The following TENM3 variants were observed in gnomAD, a reference collection of about 807,000 sequenced individuals.
The protein encoded by TENM3 is teneurin-3.
A neutral mutation model predicts 255.1 loss-of-function variants in TENM3; 63 were observed. The ratio of observed to expected loss-of-function variants is 0.25; its 90% CI spans 0.20 to 0.30. The LOEUF is 0.30. Ranked by LOEUF, TENM3 falls within the 10% of genes least tolerant of loss-of-function variation. The pLI is 1.00. For missense variants in TENM3, 2,929 were observed against 3,461.1 expected, an observed-to-expected ratio of 0.85 and a Z score of 3.86; for synonymous variants, 1,306 against 1,322.3, an observed-to-expected ratio of 0.99 and a Z score of 0.27.
chr4:181,456,090 AAT>A, the TENM3 span, among the ~76,000 whole-genome samples: 15,410 of 135,078 alleles, frequency 0.11, 840 homozygotes, highest in Middle Eastern at 0.21. Flanking sequence ...TTACTTGGTA[AAT>A]ATATGTGTGT....
the TENM3 span, among the ~76,000 whole-genome samples, chr4:181,954,796 CTG>C: frequency 6.6e-6 from 1 of 152,160 alleles, no homozygotes; most frequent in Non-Finnish European, 1.5e-5. Flanking sequence ...AGATGATTCT[CTG>C]TGTTCCTTCC....
the TENM3 span, among the ~76,000 whole-genome samples, chr4:181,908,829 A>AACAC: frequency 2.0e-5 from 3 of 152,228 alleles, no homozygotes; most frequent in South Asian, 2.1e-4. Context: ...TTAAAAGGTG[A>AACAC]ACACACTAAA....
At chr4:181,934,044 C>CT in the TENM3 span, among the ~76,000 whole-genome samples, 1 of 140,628 alleles carries the variant, frequency 7.1e-6, no homozygotes, top group Non-Finnish European at 1.5e-5. Context: ...TAAAATTCCC[C>CT]TTTCTGTGTG....
chr4:182,319,738 C>T (rs1762937926), intron 1 of TENM3, among the ~76,000 whole-genome samples: 2 of 152,250 alleles, frequency 1.3e-5, no homozygotes, highest in South Asian at 2.1e-4. Flanking sequence ...TGTTAAAGAA[C>T]GTACTGATTA....
the TENM3 span, among the ~76,000 whole-genome samples, chr4:182,066,774 G>A: frequency 1.3e-5 from 2 of 152,012 alleles, no homozygotes; most frequent in Admixed American, 6.5e-5. Flanking sequence ...AGCCGGGCGT[G>A]GTGGCAGGCG....
At chr4:181,617,462 T>C in the TENM3 span, among the ~76,000 whole-genome samples, 1 of 151,996 alleles carries the variant, frequency 6.6e-6, no homozygotes, top group African/African-American at 2.4e-5. Flanking sequence ...TGAGACTGGG[T>C]TGGGGACAGA....
chr4:182,795,796 A>G (rs1436373636), intron 26 of TENM3, among the ~76,000 whole-genome samples: 4 of 152,256 alleles, frequency 2.6e-5, no homozygotes. Context: ...ATGGAACAGC[A>G]TAAAATATAT....
At chr4:181,552,325 G>C in the TENM3 span, among the ~76,000 whole-genome samples, 4 of 152,174 alleles carry the variant, frequency 2.6e-5, no homozygotes, top group Non-Finnish European at 5.9e-5. Context: ...GAGAAAAACA[G>C]ATTAAAATAT....
the TENM3 span, among the ~76,000 whole-genome samples, chr4:181,941,167 G>A: frequency 6.6e-6 from 1 of 152,296 alleles, no homozygotes; most frequent in African/African-American, 2.4e-5. Context: ...AGCCACGTAT[G>A]AGATCATGTG....
At chr4:182,087,309 G>A in the TENM3 span, among the ~76,000 whole-genome samples, 85 of 152,314 alleles carry the variant, frequency 5.6e-4, no homozygotes, top group Non-Finnish European at 1.1e-3. Context: ...TTCAGGGTTA[G>A]TGTGGGCCAA....
At chr4:181,987,499 A>G in the TENM3 span, among the ~76,000 whole-genome samples, 1 of 152,068 alleles carries the variant, frequency 6.6e-6, no homozygotes, top group South Asian at 2.1e-4. Context: ...CACAGCCTTG[A>G]CCATTATTCA....
the TENM3 span, among the ~76,000 whole-genome samples, chr4:181,753,895 A>G: frequency 6.6e-6 from 1 of 152,118 alleles, no homozygotes; most frequent in Non-Finnish European, 1.5e-5. Flanking sequence ...CGTCAAAATG[A>G]TGGGCTGGGA....
At chr4:182,772,800 T>C (rs574495104) in intron 22 of TENM3, among the ~76,000 whole-genome samples, 4 of 152,314 alleles carry the variant, frequency 2.6e-5, no homozygotes, top group African/African-American at 9.6e-5. Flanking sequence ...CAGGAAATAT[T>C]GCATCTCATT....
chr4:181,553,134 A>G, the TENM3 span, among the ~76,000 whole-genome samples: 1 of 152,058 alleles, frequency 6.6e-6, no homozygotes, highest in African/African-American at 2.4e-5. Context: ...GTAGAGAATT[A>G]TTTTTAAATG....
At chr4:181,870,287 C>T in the TENM3 span, among the ~76,000 whole-genome samples, 9 of 152,032 alleles carry the variant, frequency 5.9e-5, no homozygotes, top group Non-Finnish European at 1.3e-4. Flanking sequence ...CTATTATGAA[C>T]GTTGTTGTAG....
At chr4:182,421,703 G>T (rs1478554670) in intron 3 of TENM3, among the ~76,000 whole-genome samples, 1 of 151,910 alleles carries the variant, frequency 6.6e-6, no homozygotes, top group South Asian at 2.1e-4. Context: ...ATGTATTAAG[G>T]TTCTTTTAAA....
At chr4:181,938,988 C>G in the TENM3 span, among the ~76,000 whole-genome samples, 3 of 152,000 alleles carry the variant, frequency 2.0e-5, no homozygotes, top group Non-Finnish European at 4.4e-5. Flanking sequence ...AACAGAATTT[C>G]TTTTGCTTCA....
chr4:181,812,270 C>CT, the TENM3 span, among the ~76,000 whole-genome samples: 1 of 152,146 alleles, frequency 6.6e-6, no homozygotes, highest in Non-Finnish European at 1.5e-5. Flanking sequence ...ACTAACTAAA[C>CT]TTTTTTCCTC....
chr4:181,546,834 A>G, the TENM3 span, among the ~76,000 whole-genome samples: 5 of 149,676 alleles, frequency 3.3e-5, no homozygotes, highest in African/African-American at 5.0e-5. Flanking sequence ...ACCTTCCAGT[A>G]GAGCTTCTTT....
Sources: gnomAD v4.1 joint callset for allele counts (sites outside exome capture counted in the v4.1 genomes callset) on GRCh38, gnomAD v4.1.1 for gene constraint, MANE v1.5 for transcripts, NCBI Gene and HGNC (gene_info 2026-07-23, HGNC 2026-07-21) for gene names.